ALPL: variants seen among roughly 807,000 people sequenced by gnomAD.
ALPL encodes the protein alkaline phosphatase, tissue-nonspecific isozyme.
A neutral mutation model predicts 51.3 loss-of-function variants in ALPL; 42 were observed. That is an observed-to-expected ratio of 0.82 (90% confidence interval 0.64 to 1.06). The LOEUF (loss-of-function observed/expected upper bound fraction) is 1.06. Among genes scored for constraint, ALPL ranks in the 50% least tolerant of loss-of-function variants. The probability of loss-of-function intolerance (pLI) is 0.00; values close to 1 mark genes in which losing one functional copy is unlikely to be tolerated. For synonymous variants in ALPL, 279 were observed against 296.4 expected, an observed-to-expected ratio of 0.94 and a Z score of 0.60; for missense variants, 589 against 709.4, an observed-to-expected ratio of 0.83 and a Z score of 1.93.
chr1:21,576,990 T>A (rs1644746322), intron 11 of ALPL, among the ~76,000 whole-genome samples: 1 of 152,214 alleles, frequency 6.6e-6, no homozygotes, highest in African/African-American at 2.4e-5. Flanking sequence ...ATACTCATTT[T>A]TCTTGGCCCT....
chr1:21,527,015 G>GTTCTTTTCTTTTCTTTTCTT (rs57296888), intron 1 of ALPL, among the ~76,000 whole-genome samples: 2,023 of 140,618 alleles, frequency 0.014, 140 homozygotes, highest in African/African-American at 0.032. Flanking sequence ...TGTTATTCTT[G>GTTCTTTTCTTTTCTTTTCTT]TTCTTTTCTT....
intron 1 of ALPL, among the ~76,000 whole-genome samples, chr1:21,524,046 C>G (rs1266010382): frequency 7.1e-6 from 1 of 140,160 alleles, no homozygotes; most frequent in African/African-American, 2.6e-5. Flanking sequence ...CTCTGTCGCC[C>G]AGGCTGGAGT....
At chr1:21,539,587 C>T (rs781181071) in intron 1 of ALPL, among the ~76,000 whole-genome samples, 1 of 152,062 alleles carries the variant, frequency 6.6e-6, no homozygotes, top group Non-Finnish European at 1.5e-5. Flanking sequence ...GAGACCTATC[C>T]CTGCCCCTGA....
intron 7 of ALPL, among the ~76,000 whole-genome samples, chr1:21,568,739 G>A (rs1644604664): frequency 6.6e-6 from 1 of 152,152 alleles, no homozygotes; most frequent in African/African-American, 2.4e-5. Context: ...GTTGGCCCCA[G>A]TGTGCAAGCC....
At chr1:21,540,107 C>T (rs1164252314) in intron 1 of ALPL, among the ~76,000 whole-genome samples, 1 of 152,200 alleles carries the variant, frequency 6.6e-6, no homozygotes, top group Non-Finnish European at 1.5e-5. Flanking sequence ...CACCCTCCCC[C>T]ACCGCTTTCT....
At chr1:21,539,492 C>T (rs1180548402) in intron 1 of ALPL, among the ~76,000 whole-genome samples, 1 of 152,106 alleles carries the variant, frequency 6.6e-6, no homozygotes, top group Non-Finnish European at 1.5e-5. Flanking sequence ...GTACGGAAGT[C>T]CAAGACATTG....
Position 21,570,301 on chromosome 1 carries a change from C to T in ALPL, c.793-4C>T. 3 of 1,614,030 alleles carry T rather than the reference C, an allele frequency of 1.9e-6. No homozygotes were observed. The highest frequency in any genetic ancestry group is 2.5e-6 in the Non-Finnish European group (3 of 1,179,946). On this transcript the variant is annotated splice_polypyrimidine_tract_variant and splice_region_variant and intron_variant, in intron 7 of 11. Coordinates refer to ENST00000374840, the MANE Select transcript of ALPL (RefSeq NM_000478.6). ...GCATGTGCTGACACAGCCCTTCCTC[C>T]TAGCACTCCCACTTCATCTGGAACC...
At chr1:21,573,060 A>C (rs1019810414) in intron 8 of ALPL, among the ~76,000 whole-genome samples, 2 of 152,200 alleles carry the variant, frequency 1.3e-5, no homozygotes, top group African/African-American at 4.8e-5. Flanking sequence ...CAAGTTATGG[A>C]ACACCTCTGG....
rs771542770 is a variant in ALPL at position 21,564,129 on chromosome 1, C to T, written c.561C>T (p.Tyr187=). Reference sequence around the variant, plus strand: ...CCCACTCGGCTGACCGGGACTGGTACTCAGACAACGAGATGCCCCCTGAGG... The same window carrying T: ...CCCACTCGGCTGACCGGGACTGGTATTCAGACAACGAGATGCCCCCTGAGG... ...AYAHSADRDW[Y]SDNEMPPEAL... is the part of the protein sequence containing the mutation. Residue 187 remains tyrosine, a synonymous_variant, in exon 6 of 12, where the codon TAC becomes TAT. Transcript: ENST00000374840. This position sits in a 1 kb window ranked among gnomAD's most constrained non-coding sequence, Gnocchi z 5.8. 7.4e-6 allele frequency: 12 copies of T among 1,614,140 alleles called. No individual in the cohort carries two copies. In the East Asian group the frequency reaches 2.7e-4, roughly 36 times the overall value.
chr1:21,538,512 C>G (rs564968637), intron 1 of ALPL, among the ~76,000 whole-genome samples: 1 of 152,314 alleles, frequency 6.6e-6, no homozygotes, highest in African/African-American at 2.4e-5. Context: ...TCGGCTTGTG[C>G]TGGCCGCTGC....
intron 1 of ALPL, among the ~76,000 whole-genome samples, chr1:21,520,587 G>A (rs901133187): frequency 6.6e-6 from 1 of 150,756 alleles, no homozygotes; most frequent in Non-Finnish European, 1.5e-5. Context: ...TCAGCCTCTG[G>A]AGTAGCTGGG....
intron 9 of ALPL, chr1:21,574,807 C>G (rs1304434019): frequency 6.6e-6 from 1 of 152,290 alleles, no homozygotes; most frequent in Non-Finnish European, 1.5e-5. Context: ...GCCGCCCAGG[C>G]TAGCTGCTCC....
chr1:21,537,419 G>A (rs1644123362), intron 1 of ALPL, among the ~76,000 whole-genome samples: 1 of 152,168 alleles, frequency 6.6e-6, no homozygotes, highest in African/African-American at 2.4e-5. Flanking sequence ...TTGTGGAGCG[G>A]GCACTCTGTC....
In ALPL at chr1:21,564,017, A is replaced by G; in HGVS notation, c.473-24A>G. The G allele has an allele frequency of 6.2e-7, 1 of 1,611,960 alleles. No individual in the cohort carries two copies. Among genetic ancestry groups the G allele is most frequent in the East Asian group, 2.2e-5 (1 of 44,856 alleles). On this transcript the variant is annotated intron_variant, in intron 5 of 11. Transcript: ENST00000374840. The surrounding 1 kb of genome is among the most constrained non-coding windows in gnomAD (Gnocchi z 5.8). ...GACACCCCGATCTGTGGATAAAGCCAAACCCGCCCCTCCTGCACCCCAGGG... is the reference window on the plus strand; with the variant it reads ...GACACCCCGATCTGTGGATAAAGCCGAACCCGCCCCTCCTGCACCCCAGGG...
At chr1:21,538,566 G>T (rs1180281530) in intron 1 of ALPL, among the ~76,000 whole-genome samples, 1 of 152,146 alleles carries the variant, frequency 6.6e-6, no homozygotes, top group Non-Finnish European at 1.5e-5. Flanking sequence ...ACAGCCCGGC[G>T]CCTCCTCAGC....
intron 8 of ALPL, among the ~76,000 whole-genome samples, chr1:21,573,459 G>GAAAAAGA (rs745378944): frequency 3.4e-5 from 5 of 145,708 alleles, no homozygotes; most frequent in Non-Finnish European, 4.5e-5. Context: ...GAAAAGAAAA[G>GAAAAAGA]AAAAAGAAAA....
intron 1 of ALPL, among the ~76,000 whole-genome samples, chr1:21,512,170 G>A (rs887011463): frequency 5.9e-5 from 9 of 152,096 alleles, no homozygotes; most frequent in African/African-American, 1.7e-4. Flanking sequence ...GCACCATGTC[G>A]TCGTCCTTGG....
At chr1:21,525,504 G>A (rs769546568) in intron 1 of ALPL, among the ~76,000 whole-genome samples, 6 of 152,244 alleles carry the variant, frequency 3.9e-5, no homozygotes, top group African/African-American at 1.2e-4. Context: ...CTCTCCTGGC[G>A]TGCTCACCTG....
chr1:21,532,274 C>A (rs1213295436), intron 1 of ALPL, among the ~76,000 whole-genome samples: 1 of 152,096 alleles, frequency 6.6e-6, no homozygotes, highest in Non-Finnish European at 1.5e-5. Context: ...TTGCTGCAAC[C>A]TCTGCCTCCC....
Sources: allele counts gnomAD v4.1 joint callset (sites outside exome capture counted in the v4.1 genomes callset), GRCh38; gene constraint gnomAD v4.1.1; non-coding constraint Gnocchi (gnomAD v3.1); transcripts MANE v1.5; gene names NCBI Gene and HGNC (gene_info 2026-07-23, HGNC 2026-07-21).